Variants in GDPD4 observed in about 807,000 individuals in gnomAD.
The protein encoded by GDPD4 is glycerophosphodiester phosphodiesterase 6.
GDPD4 carries 60 observed loss-of-function variants against 67.8 expected under a neutral mutation model. That is an observed-to-expected ratio of 0.88 (90% CI 0.72 to 1.10). GDPD4 has a LOEUF of 1.10. GDPD4 is among the 50% of genes least tolerant of loss of function. The pLI is 0.00. For missense variants in GDPD4, 623 were observed against 613.9 expected (o/e 1.01, Z -0.16); for synonymous variants, 212 against 210.9 (o/e 1.00, Z -0.04).
chr11:77,287,509 C>T (rs1960048571), intron 1 of GDPD4, 89 bp from the exon 2 acceptor site: 1 of 152,118 alleles, frequency 6.6e-6, no homozygotes, highest in South Asian at 2.1e-4. Context: ...TTATCAAAGA[C>T]AGATGGATTT....
chr11:77,247,967 G>A (rs576631620), intron 11 of GDPD4, among the ~76,000 whole-genome samples: 7 of 146,558 alleles, frequency 4.8e-5, no homozygotes, highest in African/African-American at 1.0e-4. Context: ...CAGGAGAATC[G>A]CTTGAACCGG....
At chr11:77,257,731 T>C (rs1959032773) in intron 11 of GDPD4, among the ~76,000 whole-genome samples, 1 of 152,134 alleles carries the variant, frequency 6.6e-6, no homozygotes, top group Non-Finnish European at 1.5e-5. Flanking sequence ...CCATTCATAC[T>C]TGCCTCAAAA....
At chr11:77,273,171 T>C (rs1039883110) in intron 5 of GDPD4, among the ~76,000 whole-genome samples, 2 of 152,216 alleles carry the variant, frequency 1.3e-5, no homozygotes, top group Admixed American at 1.3e-4. Flanking sequence ...GGAGTTTGGG[T>C]TGATGCCATT....
intron 2 of GDPD4, 65 bp from the exon 3 acceptor site, chr11:77,285,252 A>G: frequency 1.3e-6 from 1 of 788,414 alleles, no homozygotes. Flanking sequence ...CAGTTTCTGT[A>G]TACACTTGCC....
intron 13 of GDPD4, among the ~76,000 whole-genome samples, chr11:77,239,961 G>GA (rs35159540): frequency 0.48 from 64,212 of 133,502 alleles, 17,618 homozygotes; most frequent in Non-Finnish European, 0.64. Context: ...GACTGCCTCA[G>GA]AAAAAAAAAA....
chr11:77,294,792 A>G (rs1169926435), intron 1 of GDPD4, among the ~76,000 whole-genome samples: 2 of 152,164 alleles, frequency 1.3e-5, no homozygotes, highest in East Asian at 3.9e-4. Flanking sequence ...AAAAAGACAG[A>G]CATAGAGATC....
chr11:77,297,350 C>T (rs944479067), intron 1 of GDPD4, among the ~76,000 whole-genome samples: 6 of 151,380 alleles, frequency 4.0e-5, no homozygotes, highest in Admixed American at 2.6e-4. Context: ...ATCAAGACCA[C>T]GGTAAAACCC....
At chr11:77,221,333 A>G (rs906016757) in intron 16 of GDPD4, among the ~76,000 whole-genome samples, 3 of 152,150 alleles carry the variant, frequency 2.0e-5, no homozygotes, top group Admixed American at 1.3e-4. Context: ...TACAGTGTCA[A>G]TTTTAGATCT....
intron 5 of GDPD4, among the ~76,000 whole-genome samples, chr11:77,272,653 G>A (rs1400045346): frequency 1.3e-5 from 2 of 152,032 alleles, no homozygotes; most frequent in Non-Finnish European, 2.9e-5. Flanking sequence ...GCACACAACT[G>A]TAGTTCCAGC....
At chr11:77,235,009 G>GTTTTGTTTTTT (rs1958524851) in intron 13 of GDPD4, among the ~76,000 whole-genome samples, 2 of 52,254 alleles carry the variant, frequency 3.8e-5, no homozygotes, top group Non-Finnish European at 7.4e-5. Flanking sequence ...GTCAATATCT[G>GTTTTGTTTTTT]TTTTTTTTTT....
intron 10 of GDPD4, among the ~76,000 whole-genome samples, chr11:77,259,016 G>C (rs1959061727): frequency 1.3e-5 from 2 of 152,080 alleles, no homozygotes; most frequent in African/African-American, 4.8e-5. Flanking sequence ...ACGGAGTCTT[G>C]CTCTGTCACC....
chr11:77,248,205 CT>C (rs974874400), intron 11 of GDPD4, among the ~76,000 whole-genome samples: 2,533 of 140,796 alleles, frequency 0.018, 16 homozygotes, highest in African/African-American at 0.027. Flanking sequence ...ATTTTCTTTT[CT>C]TTTTTTTTTT....
At chr11:77,289,009 GA>G (rs1458735246) in intron 1 of GDPD4, among the ~76,000 whole-genome samples, 1 of 148,760 alleles carries the variant, frequency 6.7e-6, no homozygotes, top group Non-Finnish European at 1.5e-5. Flanking sequence ...TAAGGTGAAA[GA>G]AACAGAAGGA....
At chr11:77,249,950 GTTGT>G (rs1305958228) in intron 11 of GDPD4, among the ~76,000 whole-genome samples, 21 of 152,002 alleles carry the variant, frequency 1.4e-4, no homozygotes, top group Admixed American at 1.3e-3. Flanking sequence ...TCAGAAGCAC[GTTGT>G]TTAATTTCCA....
Position 77,243,699 on chromosome 11 carries a change from C to T in GDPD4, c.1236G>A (p.Gly412=), listed in dbSNP as rs757600977. 3 of 1,611,906 alleles carry T rather than the reference C, an allele frequency of 1.9e-6. No individual in the cohort carries two copies. In the South Asian group the frequency reaches 3.3e-5, roughly 18 times the overall value. The stretch of plus-strand genomic sequence containing the variant: ...AGGTGTGGTCAAACACTTACCTTAA[C>T]CCATTAGGGAACAACTTCTTGTAGT... ...NVDYKKLFPN[G]LRDYKAANIH... The change falls in exon 13 of 17, where the codon GGG becomes GGA. Residue 412 remains glycine, a synonymous_variant. Transcript: ENST00000315938.
intron 12 of GDPD4, among the ~76,000 whole-genome samples, 180 bp from the exon 13 acceptor site, chr11:77,244,028 G>C (rs1329153621): frequency 1.3e-5 from 2 of 152,108 alleles, no homozygotes; most frequent in East Asian, 3.9e-4. Flanking sequence ...GTTTTGTTTT[G>C]TTTTTGAGAT....
intron 11 of GDPD4, among the ~76,000 whole-genome samples, chr11:77,250,184 AACTCATC>A (rs1958862501): frequency 6.6e-6 from 1 of 152,278 alleles, no homozygotes; most frequent in African/African-American, 2.4e-5. Context: ...AGTATGAATG[AACTCATC>A]ACTCAGGTAC....
chr11:77,217,221 A>C lies in GDPD4; in HGVS notation c.*56T>G, dbSNP rs534624865. ...GCCGGGTAGAGGGCTGCTAGAGTCC[A>C]AGGACCTTCCACAACTCGGACAGGA... On this transcript the variant is annotated 3_prime_UTR_variant, in exon 17 of 17. Coordinates refer to ENST00000315938, the MANE Select transcript of GDPD4 (RefSeq NM_182833.3). 2.2e-6 allele frequency: 3 copies of C among 1,342,988 alleles called. No homozygotes were observed. Among genetic ancestry groups the C allele is most frequent in the South Asian group, 2.3e-5 (2 of 85,602 alleles). The allele number at this position is 1,342,988 out of a possible 1,614,324, so 83.2% of individuals were successfully genotyped here.
intron 7 of GDPD4, 21 bp downstream of exon 7, chr11:77,271,109 G>A: frequency 6.5e-7 from 1 of 1,528,314 alleles, no homozygotes; most frequent in Non-Finnish European, 9.1e-7. Context: ...AATAGGCAGG[G>A]TTCTGCCCTA....
Sources: gnomAD v4.1 joint callset for allele counts (sites outside exome capture counted in the v4.1 genomes callset) on GRCh38, gnomAD v4.1.1 for gene constraint, MANE v1.5 for transcripts, NCBI Gene and HGNC (gene_info 2026-07-23, HGNC 2026-07-21) for gene names.